Variants in SKIL observed in about 807,000 individuals in gnomAD.
The protein encoded by SKIL is ski-like protein.
In SKIL, 20 loss-of-function variants were observed where a neutral mutation model predicts 69.6. The observed-to-expected ratio is 0.29, with a 90% confidence interval of 0.20 to 0.42. The LOEUF (loss-of-function observed/expected upper bound fraction) is 0.42. Among genes scored for constraint, SKIL ranks in the 10% least tolerant of loss-of-function variants. The pLI is 1.00. For missense variants in SKIL, 745 were observed against 783.1 expected (o/e 0.95, Z 0.58); for synonymous variants, 310 against 279.9 (o/e 1.11, Z -1.08).
At chr3:170,385,293 T>TG (rs1445177003) in intron 4 of SKIL, among the ~76,000 whole-genome samples, 2 of 149,990 alleles carry the variant, frequency 1.3e-5, no homozygotes, top group African/African-American at 4.9e-5. Flanking sequence ...GGTCTTGGTA[T>TG]GTTGCTCAAG....
intron 4 of SKIL, among the ~76,000 whole-genome samples, chr3:170,389,571 C>T (rs1031640177): frequency 6.6e-6 from 1 of 152,136 alleles, no homozygotes; most frequent in Admixed American, 6.5e-5. Context: ...TTCTCGGCCT[C>T]CCAAAGTGCT....
chr3:170,369,993 C>CT (rs980317289), intron 2 of SKIL, among the ~76,000 whole-genome samples: 2 of 151,818 alleles, frequency 1.3e-5, no homozygotes, highest in African/African-American at 4.8e-5. Flanking sequence ...AGTCCCAGCA[C>CT]TTTTGGGAGG....
intron 5 of SKIL, 33 bp downstream of exon 5, chr3:170,390,497 G>A (rs769059481): frequency 1.3e-5 from 20 of 1,575,280 alleles, no homozygotes; most frequent in Non-Finnish European, 1.7e-5. Flanking sequence ...AGTCCATTAT[G>A]AAAAGATACT....
intron 5 of SKIL, 113 bp downstream of exon 5, chr3:170,390,577 C>T (rs1737864205): frequency 1.3e-6 from 1 of 790,208 alleles, no homozygotes. Flanking sequence ...ACCTCCACCT[C>T]ACAGGTTCAA....
In SKIL at chr3:170,396,600, A is replaced by G. The variant is rs753526438; in HGVS notation, c.*4183A>G. 3.3e-5 allele frequency: 5 copies of G among 152,212 alleles called. No homozygotes were observed. Among genetic ancestry groups the G allele is most frequent in the Non-Finnish European group, 7.3e-5 (5 of 68,044 alleles). 9.4% of individuals were successfully genotyped at this position (152,212 alleles called of 1,614,324 possible). Reference sequence around the variant, plus strand: ...GTTGGTTGCATTACATGACACAGAAAACTGTCCTCTACCTCACGTGAAATA... The same window carrying G: ...GTTGGTTGCATTACATGACACAGAAGACTGTCCTCTACCTCACGTGAAATA... On this transcript the variant is annotated 3_prime_UTR_variant, in exon 7 of 7. Transcript: ENST00000259119.
intron 4 of SKIL, among the ~76,000 whole-genome samples, chr3:170,388,440 A>G (rs920358023): frequency 3.1e-4 from 46 of 150,786 alleles, no homozygotes; most frequent in African/African-American, 1.1e-3. Context: ...TTTTCTTTTT[A>G]CTTTCTTGTT....
At chr3:170,373,293 A>G (rs1350782271) in intron 2 of SKIL, among the ~76,000 whole-genome samples, 2 of 151,980 alleles carry the variant, frequency 1.3e-5, no homozygotes, top group African/African-American at 4.8e-5. Context: ...CAGCCTCCTA[A>G]GTAGCTGGGA....
chr3:170,380,054 C>A (rs16855034), intron 2 of SKIL, among the ~76,000 whole-genome samples: 67 of 152,030 alleles, frequency 4.4e-4, no homozygotes, highest in African/African-American at 1.6e-3. Flanking sequence ...GTTCTCAGCC[C>A]GTAGATGTTC....
Position 170,390,585 on chromosome 3 carries a change from C to A in SKIL, c.1671+121C>A, listed in dbSNP as rs1243240261. ...CACTGAAACCTCCACCTCACAGGTT[C>A]AAGCAATTCTTCTGCCTTAGCCTTC... On this transcript the variant is annotated intron_variant, in intron 5 of 6. Coordinates refer to ENST00000259119, the MANE Select transcript of SKIL (RefSeq NM_005414.5). 1.2e-5 allele frequency: 9 copies of A among 738,002 alleles called. No homozygotes were observed. The Admixed American group carries it at 2.2e-4, about 18-fold the overall frequency. The allele number at this position is 738,002 out of a possible 1,614,324, so 45.7% of individuals were successfully genotyped here. A position where few individuals can be genotyped will look rare whatever the true frequency, so the allele number is the denominator to read the frequency against.
At chr3:170,381,774 A>C (rs1452209797) in intron 3 of SKIL, among the ~76,000 whole-genome samples, 1 of 151,778 alleles carries the variant, frequency 6.6e-6, no homozygotes, top group Non-Finnish European at 1.5e-5. Context: ...TGTTAATCAT[A>C]GATTATCTTT....
In SKIL at chr3:170,360,791, A is replaced by G. The variant is rs374135661; in HGVS notation, c.460A>G (p.Ile154Val). The G allele has an allele frequency of 1.3e-5, 21 of 1,613,934 alleles. No individual in the cohort carries two copies. The African/African-American group carries it at 2.4e-4, about 18-fold the overall frequency. Residue 154 changes from isoleucine (I) to valine (V), a missense_variant, in exon 2 of 7, where the codon ATT (isoleucine) becomes GTT (valine). Physicochemically the swap from Ile to Val is conservative, Grantham distance 29. Coordinates refer to ENST00000259119, the MANE Select transcript of SKIL (RefSeq NM_005414.5). Reference sequence around the variant, plus strand: ...TCAGACTGTGTTGGAAGGGGAATCTATTTCTTGTTTTCAAGTTGGAGGAGA... The same window carrying G: ...TCAGACTGTGTTGGAAGGGGAATCTGTTTCTTGTTTTCAAGTTGGAGGAGA... Reference protein sequence around the residue: ...LTQTVLEGESISCFQVGGEKR... With the variant: ...LTQTVLEGESVSCFQVGGEKR...
At chr3:170,378,691 A>G (rs1193277640) in intron 2 of SKIL, among the ~76,000 whole-genome samples, 1 of 151,050 alleles carries the variant, frequency 6.6e-6, no homozygotes, top group East Asian at 2.0e-4. Flanking sequence ...AGGTGGGATT[A>G]CAGGCACTCA....
intron 2 of SKIL, 64 bp downstream of exon 2, chr3:170,361,493 T>TAAGTTACACACTAAACA: frequency 1.6e-6 from 2 of 1,246,762 alleles, no homozygotes; most frequent in Non-Finnish European, 1.1e-6. Context: ...AATTCTATGT[T>TAAGTTACACACTAAACA]TAGTGTGTAA....
intron 4 of SKIL, among the ~76,000 whole-genome samples, chr3:170,388,772 A>G (rs73163826): frequency 0.042 from 6,402 of 152,168 alleles, 151 homozygotes; most frequent in South Asian, 0.14. Flanking sequence ...AATGTTTATT[A>G]CATCCAATTT....
intron 2 of SKIL, among the ~76,000 whole-genome samples, chr3:170,361,834 C>G (rs1736256520): frequency 6.6e-6 from 1 of 151,670 alleles, no homozygotes; most frequent in South Asian, 2.1e-4. Flanking sequence ...ATCCGCCCAC[C>G]TTGGCCTCCC....
At chr3:170,363,062 T>A (rs2108893306) in intron 2 of SKIL, among the ~76,000 whole-genome samples, 1 of 152,168 alleles carries the variant, frequency 6.6e-6, no homozygotes, top group East Asian at 1.9e-4. Context: ...AACATTATTC[T>A]TGAGCAGTTT....
intron 4 of SKIL, among the ~76,000 whole-genome samples, chr3:170,386,920 A>G (rs1737659855): frequency 6.6e-6 from 1 of 152,226 alleles, no homozygotes; most frequent in Admixed American, 6.5e-5. Flanking sequence ...TTTATATACC[A>G]TAAAATTTAC....
At chr3:170,376,751 T>C (rs1243855758) in intron 2 of SKIL, among the ~76,000 whole-genome samples, 1 of 152,044 alleles carries the variant, frequency 6.6e-6, no homozygotes, top group Non-Finnish European at 1.5e-5. Flanking sequence ...AATTTTTGTA[T>C]TATTATTAGA....
intron 4 of SKIL, among the ~76,000 whole-genome samples, chr3:170,386,085 C>A (rs1176570430): frequency 1.3e-5 from 2 of 150,940 alleles, no homozygotes; most frequent in East Asian, 3.9e-4. Context: ...CGTGAGCCAC[C>A]ACGCCTGGCT....
Sources: gnomAD v4.1 joint callset for allele counts (sites outside exome capture counted in the v4.1 genomes callset) on GRCh38, gnomAD v4.1.1 for gene constraint, MANE v1.5 for transcripts, NCBI Gene and HGNC (gene_info 2026-07-23, HGNC 2026-07-21) for gene names.